The following FHOD3 variants were observed in gnomAD, a reference collection of about 807,000 sequenced individuals.
The protein encoded by FHOD3 is FH1/FH2 domain-containing protein 3.
Under a neutral mutation model 173.0 loss-of-function variants are expected in FHOD3, and 90 were observed. The observed-to-expected ratio is 0.52, with a 90% CI of 0.44 to 0.62. The LOEUF (loss-of-function observed/expected upper bound fraction) is 0.62, where lower values mean the gene tolerates loss of function less well. Among genes scored for constraint, FHOD3 ranks in the 20% least tolerant of loss-of-function variants. The pLI is 0.00. For missense variants in FHOD3, 1,945 were observed against 2,034.7 expected, an observed-to-expected ratio of 0.96 and a Z score of 0.85; for synonymous variants, 828 against 823.0, an observed-to-expected ratio of 1.01 and a Z score of -0.10.
intron 4 of FHOD3, among the ~76,000 whole-genome samples, chr18:36,508,156 T>G (rs1032231729): frequency 4.6e-5 from 7 of 152,306 alleles, no homozygotes; most frequent in Non-Finnish European, 7.4e-5. Flanking sequence ...AGATTCTAAT[T>G]GTCATTCTAA....
chr18:36,763,030 TATATA>T lies in FHOD3; in HGVS notation c.4624+2253_4624+2257del, dbSNP rs1279932990. On this transcript the variant is annotated intron_variant, in intron 27 of 28. Coordinates refer to ENST00000590592, the MANE Select transcript of FHOD3 (RefSeq NM_001281740.3). ...TTATATATGCGTATTATACACTTTATATATAATATGCGTATTATACACGTTATATA... is the reference window on the plus strand; with the variant it reads ...TTATATATGCGTATTATACACTTTATATATGCGTATTATACACGTTATATA... Among the ~76,000 whole-genome samples, 308 of 129,758 alleles carry T rather than the reference TATATA, an allele frequency of 2.4e-3. 1 individual carries two copies. Among genetic ancestry groups the T allele is most frequent in the Non-Finnish European group, 2.4e-3 (136 of 57,724 alleles). 85.1% of individuals were successfully genotyped at this position (129,758 alleles called of 152,430 possible).
chr18:36,439,709 A>G (rs1285291517), intron 3 of FHOD3, among the ~76,000 whole-genome samples: 1 of 152,118 alleles, frequency 6.6e-6, no homozygotes, highest in Admixed American at 6.5e-5. Flanking sequence ...GGGAGTGGGC[A>G]GTGTAACCTC....
intron 3 of FHOD3, among the ~76,000 whole-genome samples, chr18:36,380,482 C>T (rs2047687207): frequency 6.7e-6 from 1 of 150,170 alleles, no homozygotes; most frequent in East Asian, 2.0e-4. Flanking sequence ...CATTCCCCTC[C>T]CTCCCTTCCC....
chr18:36,779,479 A>C lies in FHOD3; in HGVS notation c.4818A>C (p.Pro1606=). The change falls in exon 29 of 29, where the codon CCA becomes CCC. Residue 1606 remains proline (P), a synonymous_variant. Transcript: ENST00000590592. ...GAACCCTGAAGAGCGGCCTGACCCC[A>C]GAAGAAGCCAGAGCCCTGGGCTTGG... ...LRRTLKSGLT[P]EEARALGLVG... The C allele has an allele frequency of 6.2e-7, 1 of 1,614,128 alleles. No homozygotes were observed. The highest frequency in any genetic ancestry group is 8.5e-7 in the Non-Finnish European group (1 of 1,179,992).
chr18:36,348,760 GT>G (rs1327865677), intron 1 of FHOD3, among the ~76,000 whole-genome samples: 1 of 152,094 alleles, frequency 6.6e-6, no homozygotes, highest in Non-Finnish European at 1.5e-5. Context: ...CTCAGGGATG[GT>G]CAGGGAAGCA....
chr18:36,749,036 TAGTC>T (rs2042288195), intron 24 of FHOD3, among the ~76,000 whole-genome samples: 1 of 151,962 alleles, frequency 6.6e-6, no homozygotes, highest in Non-Finnish European at 1.5e-5. Context: ...GGGATCATCT[TAGTC>T]ATGCAAATGA....
At chr18:36,765,164 C>T (rs927080222) in intron 27 of FHOD3, among the ~76,000 whole-genome samples, 2 of 152,100 alleles carry the variant, frequency 1.3e-5, no homozygotes, top group African/African-American at 4.8e-5. Flanking sequence ...TGATGCTGTG[C>T]TAGAAATGTT....
intron 3 of FHOD3, among the ~76,000 whole-genome samples, chr18:36,378,045 A>C (rs574627023): frequency 6.6e-6 from 1 of 152,302 alleles, no homozygotes; most frequent in South Asian, 2.1e-4. Flanking sequence ...CCCTGGTGGC[A>C]TCAGGTGCAT....
chr18:36,568,715 T>A (rs1035786996), intron 5 of FHOD3, among the ~76,000 whole-genome samples: 7 of 152,204 alleles, frequency 4.6e-5, no homozygotes, highest in Non-Finnish European at 8.8e-5. Flanking sequence ...ACCAGGTTAA[T>A]TGCCTGCTTA....
chr18:36,347,982 C>T (rs2045947818), intron 1 of FHOD3, among the ~76,000 whole-genome samples: 1 of 152,172 alleles, frequency 6.6e-6, no homozygotes, highest in African/African-American at 2.4e-5. Context: ...CAGAGGACAA[C>T]CTCAGAGTGC....
chr18:36,736,348 C>G (rs2041630376), intron 20 of FHOD3, among the ~76,000 whole-genome samples: 2 of 152,228 alleles, frequency 1.3e-5, no homozygotes, highest in Non-Finnish European at 2.9e-5. Flanking sequence ...TGGTTGCTCT[C>G]CACCAGTGAG....
intron 20 of FHOD3, among the ~76,000 whole-genome samples, chr18:36,737,421 G>A (rs956161454): frequency 1.3e-5 from 2 of 152,176 alleles, no homozygotes; most frequent in African/African-American, 4.8e-5. Context: ...TGTTTTTAAG[G>A]AGGCAACATC....
chr18:36,559,736 T>C (rs146453570), intron 5 of FHOD3, among the ~76,000 whole-genome samples: 3 of 152,246 alleles, frequency 2.0e-5, no homozygotes, highest in Non-Finnish European at 4.4e-5. Flanking sequence ...CCTTAAGTGA[T>C]TGCTGTTAAA....
chr18:36,649,438 T>C, intron 11 of FHOD3, 33 bp downstream of exon 11: 1 of 1,492,352 alleles, frequency 6.7e-7, no homozygotes, highest in Non-Finnish European at 9.0e-7. Context: ...AAGCTCACAC[T>C]AAAAGTGGGA....
intron 3 of FHOD3, among the ~76,000 whole-genome samples, chr18:36,391,315 T>G (rs1383917584): frequency 2.0e-5 from 3 of 152,114 alleles, no homozygotes; most frequent in Admixed American, 2.0e-4. Flanking sequence ...AGGCCATTTT[T>G]CTTAGGATTG....
At chr18:36,409,384 T>C (rs576992219) in intron 3 of FHOD3, among the ~76,000 whole-genome samples, 1 of 152,192 alleles carries the variant, frequency 6.6e-6, no homozygotes, top group Non-Finnish European at 1.5e-5. Flanking sequence ...CTGATCACCC[T>C]TCCTCACCTT....
In FHOD3 at chr18:36,779,533, C is replaced by A; in HGVS notation, c.*3C>A. The A allele has an allele frequency of 6.2e-7, 1 of 1,613,904 alleles. No homozygotes were observed. Among genetic ancestry groups the A allele is most frequent in the Non-Finnish European group, 8.5e-7 (1 of 1,179,816 alleles). ...GCACCTCGGAGTTGCAGCTGTGACA[C>A]TCATAGGTTACTCCCAGGAGTGTGC... On this transcript the variant is annotated 3_prime_UTR_variant, in exon 29 of 29. Transcript: ENST00000590592.
chr18:36,704,893 G>T (rs1181873298), intron 17 of FHOD3, among the ~76,000 whole-genome samples: 1 of 152,216 alleles, frequency 6.6e-6, no homozygotes, highest in Non-Finnish European at 1.5e-5. Flanking sequence ...GCTGTTCAGA[G>T]TCTCAGTCCC....
chr18:36,551,746 A>C (rs1334256443), intron 5 of FHOD3, among the ~76,000 whole-genome samples: 1 of 152,216 alleles, frequency 6.6e-6, no homozygotes, highest in East Asian at 1.9e-4. Context: ...CCATTTATTA[A>C]ATAGGGAATC....
Sources: allele counts gnomAD v4.1 joint callset (sites outside exome capture counted in the v4.1 genomes callset), GRCh38; gene constraint gnomAD v4.1.1; transcripts MANE v1.5; gene names NCBI Gene and HGNC (gene_info 2026-07-23, HGNC 2026-07-21).